Variants in AOPEP observed in about 807,000 individuals in gnomAD.
The protein encoded by AOPEP is aminopeptidase O (putative).
Under a neutral mutation model 98.1 loss-of-function variants are expected in AOPEP, and 77 were observed. That is an observed-to-expected ratio of 0.78 (90% confidence interval 0.65 to 0.95). The LOEUF is 0.95. Ranked by LOEUF, AOPEP falls within the 40% of genes least tolerant of loss-of-function variation. AOPEP has a pLI of 0.00. For synonymous variants in AOPEP, 346 were observed against 365.3 expected, an observed-to-expected ratio of 0.95 and a Z score of 0.60; for missense variants, 1,024 against 1,024.7, an observed-to-expected ratio of 1.00 and a Z score of 0.01.
intron 13 of AOPEP, among the ~76,000 whole-genome samples, chr9:95,033,186 T>A (rs955334637): frequency 2.0e-5 from 3 of 152,164 alleles, no homozygotes; most frequent in Admixed American, 2.0e-4. Flanking sequence ...CAAACAGATA[T>A]AAGTCCGCTG....
chr9:95,016,925 C>T (rs1194389820), intron 13 of AOPEP, among the ~76,000 whole-genome samples: 2 of 151,642 alleles, frequency 1.3e-5, no homozygotes, highest in African/African-American at 4.8e-5. Context: ...GATAAGGTAA[C>T]AGTAGTCATT....
chr9:95,102,836 C>T, the AOPEP span, among the ~76,000 whole-genome samples: 4 of 152,224 alleles, frequency 2.6e-5, no homozygotes, highest in Admixed American at 1.3e-4. Context: ...TAAGAGTAAA[C>T]GACGTGGTGT....
Position 95,082,728 on chromosome 9 carries a change from CT to C in AOPEP, c.*4+10del. The C allele has an allele frequency of 6.2e-7, 1 of 1,613,930 alleles. No individual in the cohort carries two copies. Among genetic ancestry groups the C allele is most frequent in the African/African-American group, 1.3e-5 (1 of 75,056 alleles). The stretch of plus-strand genomic sequence containing the variant: ...AATGTTATTTTAACGAGGTGATTCT[CT>C]CCCTTTCCTTTCTGTCATTTAGTTC... On this transcript the variant is annotated intron_variant, in intron 16 of 16. Coordinates refer to ENST00000375315, the MANE Select transcript of AOPEP (RefSeq NM_001193329.3).
chr9:94,845,819 G>A (rs1181395124), intron 5 of AOPEP, among the ~76,000 whole-genome samples: 1 of 152,170 alleles, frequency 6.6e-6, no homozygotes, highest in African/African-American at 2.4e-5. Context: ...TGGGCCGGGT[G>A]CAGTGGCTCA....
intron 13 of AOPEP, among the ~76,000 whole-genome samples, chr9:95,037,584 A>C (rs1467072294): frequency 6.6e-6 from 1 of 152,234 alleles, no homozygotes; most frequent in East Asian, 1.9e-4. Flanking sequence ...GCATAAAATA[A>C]AACATAACTT....
chr9:95,125,706 C>A, the AOPEP span, among the ~76,000 whole-genome samples: 3,961 of 152,298 alleles, frequency 0.026, 154 homozygotes, highest in African/African-American at 0.08. Flanking sequence ...TTTAAACCCC[C>A]AACACTGTTC....
intron 5 of AOPEP, among the ~76,000 whole-genome samples, chr9:94,902,562 T>C (rs2050552971): frequency 2.0e-5 from 3 of 152,322 alleles, no homozygotes; most frequent in South Asian, 4.1e-4. Context: ...TTAGTACTAG[T>C]GATTATGTCA....
At chr9:94,920,282 C>A in intron 5 of AOPEP, 1 of 153,638 alleles carries the variant, frequency 6.5e-6, no homozygotes, top group Non-Finnish European at 1.4e-5. Flanking sequence ...GAGATCGTGC[C>A]ATTGCACTCC....
At chr9:94,786,378 G>C (rs1003020270) in intron 3 of AOPEP, among the ~76,000 whole-genome samples, 4 of 152,216 alleles carry the variant, frequency 2.6e-5, no homozygotes, top group African/African-American at 9.6e-5. Context: ...TCCAGAGGTG[G>C]AACTCAATGA....
intron 7 of AOPEP, among the ~76,000 whole-genome samples, chr9:94,946,640 G>A (rs552244787): frequency 1.0e-3 from 156 of 152,292 alleles, no homozygotes; most frequent in African/African-American, 3.7e-3. Flanking sequence ...CACAGAATGC[G>A]CCTTGCTCCC....
At chr9:94,811,236 G>A (rs946571930) in intron 5 of AOPEP, among the ~76,000 whole-genome samples, 1 of 152,158 alleles carries the variant, frequency 6.6e-6, no homozygotes, top group African/African-American at 2.4e-5. Context: ...TTGACAGTCA[G>A]TTTTAAATGA....
the AOPEP span, among the ~76,000 whole-genome samples, chr9:95,116,413 G>A: frequency 1.3e-5 from 2 of 152,192 alleles, no homozygotes; most frequent in East Asian, 1.9e-4. Flanking sequence ...ACATCTTCTC[G>A]AAAAAGGAAG....
intron 5 of AOPEP, among the ~76,000 whole-genome samples, chr9:94,898,924 C>T (rs1369308891): frequency 6.6e-6 from 1 of 152,034 alleles, no homozygotes; most frequent in Non-Finnish European, 1.5e-5. Context: ...GCCTGGGCGA[C>T]AGAGCGAGCC....
At chr9:94,805,006 G>A (rs1311616019) in intron 5 of AOPEP, among the ~76,000 whole-genome samples, 1 of 152,196 alleles carries the variant, frequency 6.6e-6, no homozygotes, top group African/African-American at 2.4e-5. Flanking sequence ...TGGAGGAGTA[G>A]AATGAAGGCC....
chr9:95,089,004 G>A (rs573635128), downstream of AOPEP, among the ~76,000 whole-genome samples: 26 of 152,348 alleles, frequency 1.7e-4, no homozygotes, highest in African/African-American at 6.3e-4. Context: ...AGGTGAGGGA[G>A]GGAGGAAGCC....
At chr9:95,024,691 T>C (rs568017020) in intron 13 of AOPEP, among the ~76,000 whole-genome samples, 1 of 152,338 alleles carries the variant, frequency 6.6e-6, no homozygotes, top group East Asian at 1.9e-4. Flanking sequence ...ATAATTTTAT[T>C]GCTTTCTTCT....
intron 7 of AOPEP, among the ~76,000 whole-genome samples, chr9:94,941,208 C>G (rs1349520396): frequency 1.3e-5 from 2 of 152,224 alleles, no homozygotes; most frequent in Non-Finnish European, 2.9e-5. Flanking sequence ...TAAAGCTCCT[C>G]TGGCCTCTGT....
chr9:95,051,232 GGT>G (rs1228143803), intron 13 of AOPEP, among the ~76,000 whole-genome samples: 1 of 151,614 alleles, frequency 6.6e-6, no homozygotes, highest in East Asian at 1.9e-4. Context: ...TGGGACTACA[GGT>G]GCGCGCCACC....
intron 13 of AOPEP, chr9:95,005,976 C>A (rs960652693): frequency 2.1e-6 from 1 of 487,356 alleles, no homozygotes; most frequent in Non-Finnish European, 4.2e-6. Context: ...ATTAGGTTTC[C>A]ATGCTGTACT....
Sources: allele counts gnomAD v4.1 joint callset (sites outside exome capture counted in the v4.1 genomes callset), GRCh38; gene constraint gnomAD v4.1.1; transcripts MANE v1.5; gene names NCBI Gene and HGNC (gene_info 2026-07-23, HGNC 2026-07-21).